Variants in TP63 observed in about 807,000 individuals in gnomAD.
The protein encoded by TP63 is tumor protein 63.
In TP63, 17 loss-of-function variants were observed where a neutral mutation model predicts 82.8. That is an observed-to-expected ratio of 0.21 (90% CI 0.14 to 0.31). The LOEUF (loss-of-function observed/expected upper bound fraction) is 0.31, where lower values mean the gene tolerates loss of function less well. TP63 is among the 10% of genes least tolerant of loss of function. TP63 has a pLI of 1.00. For missense variants in TP63, 648 were observed against 895.3 expected (o/e 0.72, Z 3.52); for synonymous variants, 330 against 321.7 (o/e 1.03, Z -0.28).
Position 189,858,420 on chromosome 3 carries a change from A to G in TP63, c.580-5812A>G, listed in dbSNP as rs1394827566. 1.3e-5 allele frequency among the ~76,000 whole-genome samples: 2 copies of G among 150,978 alleles called. 1 individual carries two copies. Among genetic ancestry groups the G allele is most frequent in the Admixed American group, 1.3e-4 (2 of 15,158 alleles). On this transcript the variant is annotated intron_variant, in intron 4 of 13. Coordinates refer to ENST00000264731, the MANE Select transcript of TP63 (RefSeq NM_003722.5). ...CTCCGTCTCAAAAAAAAAAAAAAAAAAAAAAAAAAGAAAATGTTGTGTATA... is the reference window on the plus strand; with the variant it reads ...CTCCGTCTCAAAAAAAAAAAAAAAAGAAAAAAAAAGAAAATGTTGTGTATA...
rs1712959178 is a variant in TP63, at chr3:189,652,257, T to C, written c.62+20680T>C. Among the ~76,000 whole-genome samples the C allele has an allele frequency of 1.4e-5, 2 of 146,838 alleles. 1 individual carries two copies. Among genetic ancestry groups the C allele is most frequent in the Non-Finnish European group, 3.0e-5 (2 of 67,264 alleles). ...CCTGCAAAGCCACAAGGTGGAGCTG[T>C]CCAAATCCATGGGAGCCCACCTCTT... On this transcript the variant is annotated intron_variant, in intron 1 of 13. Coordinates refer to ENST00000264731, the MANE Select transcript of TP63 (RefSeq NM_003722.5).
In TP63 at chr3:189,894,640, G is replaced by A; in HGVS notation, c.*138G>A. ...TTCTTAGGGGAAGGAGAAGTAAGAG[G>A]CTACCTCTTACCTAACATCTGACCT... On this transcript the variant is annotated 3_prime_UTR_variant, in exon 14 of 14. Transcript: ENST00000264731. 4.7e-6 allele frequency: 5 copies of A among 1,060,968 alleles called. No homozygotes were observed. The highest frequency in any genetic ancestry group is 2.9e-5 in the South Asian group (2 of 68,172). The allele number at this position is 1,060,968 out of a possible 1,614,324, so 65.7% of individuals were successfully genotyped here. A position where few individuals can be genotyped will look rare whatever the true frequency, so the allele number is the denominator to read the frequency against.
At chr3:189,845,066 A>C (rs942129138) in intron 4 of TP63, among the ~76,000 whole-genome samples, 1 of 152,224 alleles carries the variant, frequency 6.6e-6, no homozygotes, top group African/African-American at 2.4e-5. Context: ...TATAAAAAGA[A>C]AAAAAATTAA....
At chr3:189,663,518 A>ATTTTTTTTTTTTT (rs1553807497) in intron 1 of TP63, among the ~76,000 whole-genome samples, 1 of 85,452 alleles carries the variant, frequency 1.2e-5, no homozygotes. Flanking sequence ...TATTTCATTC[A>ATTTTTTTTTTTTT]TTCTTTTTTT....
intron 1 of TP63, among the ~76,000 whole-genome samples, chr3:189,720,316 T>G (rs1405065018): frequency 2.6e-5 from 4 of 152,208 alleles, no homozygotes; most frequent in Admixed American, 1.3e-4. Flanking sequence ...TTTATCCTGT[T>G]AAATATTATT....
In TP63 at chr3:189,689,098, C is replaced by CTTTTTTTTTTTTTTTTTTTTTTTTTTTTT. The variant is rs1383931117; in HGVS notation, c.63-48637_63-48636insTTTTTTTTTTTTTTTTTTTTTTTTTTTTT. 3.5e-5 allele frequency among the ~76,000 whole-genome samples: 3 copies of CTTTTTTTTTTTTTTTTTTTTTTTTTTTTT among 85,140 alleles called. 1 individual carries two copies. The highest frequency in any genetic ancestry group is 2.1e-5 in the Non-Finnish European group (1 of 46,814). 55.9% of individuals were successfully genotyped at this position (85,140 alleles called of 152,430 possible). A position where few individuals can be genotyped will look rare whatever the true frequency, so the allele number is the denominator to read the frequency against. On this transcript the variant is annotated intron_variant, in intron 1 of 13. Transcript: ENST00000264731. ...CAGAGTGGCCAGCATTCAAATCTAC[C>CTTTTTTTTTTTTTTTTTTTTTTTTTTTTT]TTTTTCTTTTTTTTTTTTTTTTTTT...
chr3:189,732,345 G>A (rs972447245), intron 1 of TP63, among the ~76,000 whole-genome samples: 4 of 152,176 alleles, frequency 2.6e-5, no homozygotes, highest in African/African-American at 9.7e-5. Context: ...GCCAGTCTAA[G>A]ACAAAAATGA....
At chr3:189,846,963 G>A (rs1344555875) in intron 4 of TP63, among the ~76,000 whole-genome samples, 1 of 151,992 alleles carries the variant, frequency 6.6e-6, no homozygotes, top group Admixed American at 6.6e-5. Flanking sequence ...TTACAGGCAT[G>A]AGCCACCACG....
At chr3:189,756,989 T>C (rs184003502) in intron 3 of TP63, among the ~76,000 whole-genome samples, 6 of 152,350 alleles carry the variant, frequency 3.9e-5, no homozygotes, top group Admixed American at 3.9e-4. Flanking sequence ...AAAAAGAATC[T>C]GATTTGTTTG....
chr3:189,849,488 C>A (rs1337407206), intron 4 of TP63, among the ~76,000 whole-genome samples: 1 of 152,044 alleles, frequency 6.6e-6, no homozygotes, highest in Non-Finnish European at 1.5e-5. Flanking sequence ...AAAACTCCCA[C>A]ACATTTGGCC....
At chr3:189,850,255 C>T (rs1226269118) in intron 4 of TP63, among the ~76,000 whole-genome samples, 2 of 152,118 alleles carry the variant, frequency 1.3e-5, no homozygotes, top group Non-Finnish European at 2.9e-5. Flanking sequence ...TCCCTCCAGC[C>T]TGGGCAACAG....
At chr3:189,675,585 C>T (rs1047330685) in intron 1 of TP63, among the ~76,000 whole-genome samples, 3 of 152,052 alleles carry the variant, frequency 2.0e-5, no homozygotes, top group Non-Finnish European at 4.4e-5. Context: ...ATTCCCAACC[C>T]ATAGATTTTT....
intron 3 of TP63, among the ~76,000 whole-genome samples, chr3:189,793,784 A>C (rs1725408609): frequency 6.6e-6 from 1 of 152,124 alleles, no homozygotes; most frequent in Non-Finnish European, 1.5e-5. Context: ...TCCATAATTT[A>C]TAAGTTTTAC....
chr3:189,894,158 T>C (rs1311025740), intron 13 of TP63, 48 bp from the exon 14 acceptor site: 2 of 1,612,186 alleles, frequency 1.2e-6, no homozygotes, highest in Admixed American at 3.3e-5. Flanking sequence ...TAAATGTCCG[T>C]TTTTCTCCCT....
intron 1 of TP63, among the ~76,000 whole-genome samples, chr3:189,706,220 G>C (rs1053225813): frequency 6.6e-6 from 1 of 152,006 alleles, no homozygotes; most frequent in Non-Finnish European, 1.5e-5. Flanking sequence ...AGAGAAATCA[G>C]CTTGCCATTG....
intron 3 of TP63, among the ~76,000 whole-genome samples, chr3:189,754,111 T>C (rs1310924321): frequency 6.6e-6 from 1 of 152,194 alleles, no homozygotes; most frequent in African/African-American, 2.4e-5. Context: ...ATGCCAAAGC[T>C]ACCATTTTGC....
At chr3:189,613,049 C>A in the TP63 span, among the ~76,000 whole-genome samples, 1 of 152,156 alleles carries the variant, frequency 6.6e-6, no homozygotes, top group Non-Finnish European at 1.5e-5. Context: ...AAAATAAACT[C>A]ATTTTCTGGG....
intron 6 of TP63, 36 bp from the exon 7 acceptor site, chr3:189,867,797 C>A: frequency 6.3e-7 from 1 of 1,581,108 alleles, no homozygotes; most frequent in Non-Finnish European, 8.7e-7. Context: ...CAGTTTAAAC[C>A]CTTGTTAACA....
At chr3:189,890,089 A>C (rs962371185) in intron 12 of TP63, among the ~76,000 whole-genome samples, 3 of 152,224 alleles carry the variant, frequency 2.0e-5, no homozygotes, top group Non-Finnish European at 4.4e-5. Context: ...GTAGGTTCCC[A>C]GATTTCTTGC....
Sources: allele counts gnomAD v4.1 joint callset (sites outside exome capture counted in the v4.1 genomes callset), GRCh38; gene constraint gnomAD v4.1.1; transcripts MANE v1.5; gene names NCBI Gene and HGNC (gene_info 2026-07-23, HGNC 2026-07-21).